The following UQCC1 variants were observed in gnomAD, a reference collection of about 807,000 sequenced individuals.
UQCC1 encodes the protein bFGF-repressed Zic-binding protein.
UQCC1 carries 38 observed loss-of-function variants against 48.0 expected under a neutral mutation model. The observed-to-expected ratio is 0.79, with a 90% CI of 0.61 to 1.04. The LOEUF (loss-of-function observed/expected upper bound fraction) is 1.04. Ranked by LOEUF, UQCC1 falls within the 50% of genes least tolerant of loss-of-function variation. The probability of loss-of-function intolerance (pLI) is 0.00; values close to 1 mark genes in which losing one functional copy is unlikely to be tolerated. For synonymous variants in UQCC1, 111 were observed against 129.2 expected (o/e 0.86, Z 0.95); for missense variants, 368 against 381.8 (o/e 0.96, Z 0.30).
At chr20:35,403,158 G>A (rs1401838823) in intron 1 of UQCC1, among the ~76,000 whole-genome samples, 1 of 152,058 alleles carries the variant, frequency 6.6e-6, no homozygotes, top group African/African-American at 2.4e-5. Flanking sequence ...ATTACATACA[G>A]GAAAGATTTG....
At position 35,314,854 on chromosome 20, in the gene UQCC1, A is replaced by G. The variant is rs1458587154; in HGVS notation, c.574-89T>C. 7 of 1,012,814 alleles carry G rather than the reference A, an allele frequency of 6.9e-6. No individual in the cohort carries two copies. In the African/African-American group the frequency reaches 8.0e-5, roughly 12 times the overall value. 62.7% of individuals were successfully genotyped at this position (1,012,814 alleles called of 1,614,324 possible). ...GATCTTTGACTCTTAGCTGTCACAG[A>G]CTCTTAGTAGAAGAGAGACGGCCAC... On this transcript the variant is annotated intron_variant, in intron 7 of 9. Coordinates refer to ENST00000374385, the MANE Select transcript of UQCC1 (RefSeq NM_018244.5).
rs577163873 is a variant in UQCC1, at chr20:35,411,906, G to A, written c.24+34C>T. 4 of 1,614,052 alleles carry A rather than the reference G, an allele frequency of 2.5e-6. No homozygotes were observed. In the African/African-American group the frequency reaches 4.0e-5, roughly 16 times the overall value. On this transcript the variant is annotated intron_variant, in intron 1 of 9. Coordinates refer to ENST00000374385, the MANE Select transcript of UQCC1 (RefSeq NM_018244.5). ...TTGTCGAACTCCAACCCGGGACCCAGAGAGCTACCGTAGAAAATTACTCCT... is the reference window on the plus strand; with the variant it reads ...TTGTCGAACTCCAACCCGGGACCCAAAGAGCTACCGTAGAAAATTACTCCT...
intron 7 of UQCC1, among the ~76,000 whole-genome samples, chr20:35,335,595 A>G (rs1257506733): frequency 6.6e-6 from 1 of 152,208 alleles, no homozygotes. Flanking sequence ...ATATGATCCT[A>G]TTTATATGAA....
At chr20:35,397,211 GA>G (rs1192775264) in intron 1 of UQCC1, among the ~76,000 whole-genome samples, 67 of 122,768 alleles carry the variant, frequency 5.5e-4, no homozygotes, top group Middle Eastern at 4.9e-3. Flanking sequence ...AAAAAAAAAA[GA>G]AAAAAAAAAA....
chr20:35,392,492 C>T (rs2062025276), intron 2 of UQCC1, among the ~76,000 whole-genome samples: 1 of 152,132 alleles, frequency 6.6e-6, no homozygotes, highest in Non-Finnish European at 1.5e-5. Flanking sequence ...GAGTAGGGCA[C>T]AAGTCAGAGA....
intron 2 of UQCC1, among the ~76,000 whole-genome samples, chr20:35,385,356 T>C (rs1470327887): frequency 6.6e-6 from 1 of 152,186 alleles, no homozygotes; most frequent in East Asian, 1.9e-4. Flanking sequence ...AATTTGGCAA[T>C]AAAATAGCCG....
intron 7 of UQCC1, among the ~76,000 whole-genome samples, chr20:35,322,864 T>G (rs1415471113): frequency 6.6e-6 from 1 of 152,106 alleles, no homozygotes; most frequent in East Asian, 1.9e-4. Context: ...TTTCTTTTTT[T>G]TGAGACGGAG....
intron 7 of UQCC1, chr20:35,346,938 T>C (rs1023659588): frequency 1.4e-6 from 2 of 1,463,762 alleles, no homozygotes; most frequent in Non-Finnish European, 1.8e-6. Context: ...CCATACAGGA[T>C]GACTTCACAC....
chr20:35,396,076 C>G (rs1269806453), intron 1 of UQCC1, among the ~76,000 whole-genome samples: 4 of 147,904 alleles, frequency 2.7e-5, no homozygotes, highest in Admixed American at 7.0e-5. Flanking sequence ...TTTCCACCTC[C>G]TGGGTTCAAG....
intron 6 of UQCC1, among the ~76,000 whole-genome samples, chr20:35,362,950 T>TA (rs1184426463): frequency 6.6e-6 from 1 of 151,182 alleles, no homozygotes; most frequent in Non-Finnish European, 1.5e-5. Context: ...TCTGTCTCTG[T>TA]ACAGGGGAGC....
At chr20:35,343,366 C>A (rs1426054191) in intron 7 of UQCC1, among the ~76,000 whole-genome samples, 1 of 152,082 alleles carries the variant, frequency 6.6e-6, no homozygotes, top group Non-Finnish European at 1.5e-5. Context: ...GGGTGAGAAC[C>A]AGGCCAGACT....
intron 7 of UQCC1, among the ~76,000 whole-genome samples, chr20:35,341,926 T>A (rs1051991601): frequency 3.9e-5 from 6 of 152,106 alleles, no homozygotes; most frequent in Non-Finnish European, 1.5e-5. Flanking sequence ...TATTTAAGGT[T>A]CAAGAAGAAC....
intron 7 of UQCC1, chr20:35,345,718 G>A (rs2061424934): frequency 1.3e-5 from 2 of 151,994 alleles, no homozygotes; most frequent in African/African-American, 2.4e-5. Flanking sequence ...AAAGACACTT[G>A]TTTTTTACAC....
intron 2 of UQCC1, chr20:35,392,129 A>G (rs1426831628): frequency 1.4e-5 from 11 of 785,412 alleles, no homozygotes; most frequent in Non-Finnish European, 2.1e-5. Context: ...CAGTAAGAGT[A>G]AATTTACTAT....
In UQCC1 at chr20:35,325,817, T is replaced by G. The variant is rs560389733; in HGVS notation, c.574-11052A>C. ...TGGTATGTGTAAAGGCACAGGGAGG[T>G]GAACAAGTACAGCATTTTCAAAGGG... is the stretch of plus-strand genomic sequence containing the variant. On this transcript the variant is annotated intron_variant, in intron 7 of 9. Transcript: ENST00000374385. Among the ~76,000 whole-genome samples the G allele has an allele frequency of 4.0e-5, 6 of 148,424 alleles. No homozygotes were observed. The East Asian group carries it at 1.2e-3, about 29-fold the overall frequency.
At chr20:35,396,522 A>G (rs1426036527) in intron 1 of UQCC1, among the ~76,000 whole-genome samples, 5 of 152,194 alleles carry the variant, frequency 3.3e-5, no homozygotes, top group African/African-American at 1.2e-4. Context: ...TCTTCATAGA[A>G]TCCCTTTATA....
chr20:35,391,725 TAA>T (rs375718160), intron 2 of UQCC1, among the ~76,000 whole-genome samples: 1 of 148,452 alleles, frequency 6.7e-6, no homozygotes, highest in African/African-American at 2.5e-5. Flanking sequence ...AGGACATTCA[TAA>T]AAAAAAAAAT....
chr20:35,367,265 T>C (rs1169988623), intron 5 of UQCC1, among the ~76,000 whole-genome samples: 1 of 152,056 alleles, frequency 6.6e-6, no homozygotes, highest in African/African-American at 2.4e-5. Flanking sequence ...ATTTCTATGG[T>C]TCCTTCCAGC....
intron 5 of UQCC1, among the ~76,000 whole-genome samples, chr20:35,372,388 T>C (rs2061744322): frequency 6.6e-6 from 1 of 152,194 alleles, no homozygotes; most frequent in South Asian, 2.1e-4. Context: ...ATTTTTTCCT[T>C]TTGGACTAAC....
Sources: allele counts gnomAD v4.1 joint callset (sites outside exome capture counted in the v4.1 genomes callset), GRCh38; gene constraint gnomAD v4.1.1; transcripts MANE v1.5; gene names NCBI Gene and HGNC (gene_info 2026-07-23, HGNC 2026-07-21).